Variants in IL20RA observed in about 807,000 individuals in gnomAD.
The protein encoded by IL20RA is interleukin 20 receptor subunit alpha.
A neutral mutation model predicts 36.5 loss-of-function variants in IL20RA; 29 were observed. The ratio of observed to expected loss-of-function variants is 0.79; its 90% confidence interval spans 0.59 to 1.08. The LOEUF is 1.08. IL20RA is among the 50% of genes least tolerant of loss of function. The pLI is 0.00. For synonymous variants in IL20RA, 279 were observed against 267.1 expected (o/e 1.04, Z -0.43); for missense variants, 652 against 668.4 (o/e 0.98, Z 0.27).
Position 137,044,725 on chromosome 6 carries a change from G to A in IL20RA, c.4C>T (p.Arg2Trp). ...CGCAGGGCCGGGCGGCCGGGAGCCC[G>A]CATGGGCGGCGGGGCTGGGTCACAT... is the stretch of plus-strand genomic sequence containing the variant. M[R>W]APGRPALRPL... Residue 2 changes from arginine to tryptophan, a missense_variant, in exon 1 of 7, where the codon CGG (arginine) becomes TGG (tryptophan). By Grantham distance (101) the Arg-to-Trp change is moderately radical. Transcript: ENST00000316649. 8.2e-7 allele frequency: 1 copy of A among 1,218,200 alleles called. No individual in the cohort carries two copies. Among genetic ancestry groups the A allele is most frequent in the East Asian group, 3.3e-5 (1 of 30,308 alleles). 75.5% of individuals were successfully genotyped at this position (1,218,200 alleles called of 1,614,324 possible).
In IL20RA at chr6:137,001,000, C is replaced by G. The variant is rs1775014552; in HGVS notation, c.*558G>C. 2 of 152,396 alleles carry G rather than the reference C, an allele frequency of 1.3e-5. No homozygotes were observed. Among genetic ancestry groups the G allele is most frequent in the South Asian group, 4.1e-4 (2 of 4,820 alleles). The allele number at this position is 152,396 out of a possible 1,614,324, so 9.4% of individuals were successfully genotyped here. ...TGTGTGATATCATGAAGGTCTGTGC[C>G]TGATGTATTCACTCAAAATATGAAT... On this transcript the variant is annotated 3_prime_UTR_variant, in exon 7 of 7. Transcript: ENST00000316649.
chr6:137,002,404 A>C (rs1000199418), intron 6 of IL20RA, 49 bp from the exon 7 acceptor site: 14 of 1,247,526 alleles, frequency 1.1e-5, no homozygotes, highest in Non-Finnish European at 1.2e-5. Context: ...TTAGAGAGAC[A>C]TTAAAAACAG....
At chr6:137,025,741 A>T (rs276494) in intron 1 of IL20RA, among the ~76,000 whole-genome samples, 125,003 of 152,274 alleles carry the variant, frequency 0.82, 56,637 homozygotes, top group East Asian at 1. Context: ...GTTTGTGACC[A>T]TTTCCTAATG....
In IL20RA at chr6:137,011,305, A is replaced by C; in HGVS notation, c.372T>G (p.Ala124=). ...AAAAAGGATAGAACCGTCCACTTTCAGCCCATTTGGAACACTTTGTTCCCC... is the reference window on the plus strand; with the variant it reads ...AAAAAGGATAGAACCGTCCACTTTCCGCCCATTTGGAACACTTTGTTCCCC... ...AIWGTKCSKW[A]ESGRFYPFLE... is the part of the protein sequence containing the mutation. The change falls in exon 3 of 7, where the codon GCT becomes GCG. Residue 124 remains alanine (A), a synonymous_variant. Transcript: ENST00000316649. 6.2e-7 allele frequency: 1 copy of C among 1,612,520 alleles called. No individual in the cohort carries two copies. The highest frequency in any genetic ancestry group is 1.1e-5 in the South Asian group (1 of 90,916).
intron 5 of IL20RA, among the ~76,000 whole-genome samples, chr6:137,006,385 T>C (rs1775282190): frequency 6.6e-6 from 1 of 152,170 alleles, no homozygotes; most frequent in Non-Finnish European, 1.5e-5. Flanking sequence ...CTGCCCTGCT[T>C]GTAGCCTATA....
Position 137,017,058 on chromosome 6 carries a change from A to C in IL20RA, c.134T>G (p.Phe45Cys). The stretch of plus-strand genomic sequence containing the variant: ...GACATTCTTCATGTTGATGGATAAG[A>C]AGGTGATGTTTGCAGGTTTAGGCAA... Reference protein sequence around the residue: ...GGLPKPANITFLSINMKNVLQ... With the variant: ...GGLPKPANITCLSINMKNVLQ... The change falls in exon 2 of 7, where the codon TTC becomes TGC. Residue 45 changes from phenylalanine to cysteine, a missense_variant. Transcript: ENST00000316649. 6.2e-7 allele frequency: 1 copy of C among 1,613,668 alleles called. No homozygotes were observed. The highest frequency in any genetic ancestry group is 8.5e-7 in the Non-Finnish European group (1 of 1,179,568).
Position 137,001,468 on chromosome 6 carries a change from C to T in IL20RA, c.*90G>A. On this transcript the variant is annotated 3_prime_UTR_variant, in exon 7 of 7. Transcript: ENST00000316649. ...ACAGACACTGACAAACTGGAAAAAA[C>T]TTCTTTCATCCCAGGTACTTTATGG... The T allele has an allele frequency of 8.0e-7, 1 of 1,246,810 alleles. No individual in the cohort carries two copies. Among genetic ancestry groups the T allele is most frequent in the Non-Finnish European group, 1.1e-6 (1 of 899,692 alleles). The allele number at this position is 1,246,810 out of a possible 1,614,324, so 77.2% of individuals were successfully genotyped here. A position where few individuals can be genotyped will look rare whatever the true frequency, so the allele number is the denominator to read the frequency against.
intron 2 of IL20RA, among the ~76,000 whole-genome samples, chr6:137,016,314 T>C (rs1775682774): frequency 1.3e-5 from 2 of 152,228 alleles, no homozygotes; most frequent in African/African-American, 2.4e-5. Context: ...GCTCTCAGAT[T>C]GTTAGGTGGG....
intron 1 of IL20RA, among the ~76,000 whole-genome samples, chr6:137,031,752 G>A (rs1383928518): frequency 1.3e-5 from 2 of 152,164 alleles, no homozygotes; most frequent in South Asian, 2.1e-4. Context: ...GAAAATGAAA[G>A]AGGATGGTTA....
At chr6:137,012,812 T>A (rs1404893951) in intron 2 of IL20RA, among the ~76,000 whole-genome samples, 1 of 152,172 alleles carries the variant, frequency 6.6e-6, no homozygotes, top group African/African-American at 2.4e-5. Flanking sequence ...TGCCAAAGCT[T>A]AAGGATATTT....
intron 1 of IL20RA, 83 bp from the exon 2 acceptor site, chr6:137,017,186 G>C: frequency 9.0e-7 from 1 of 1,107,932 alleles, no homozygotes; most frequent in East Asian, 2.5e-5. Context: ...CTCCAGAGAT[G>C]GCCCCCAATA....
At chr6:137,014,603 G>A in intron 2 of IL20RA, among the ~76,000 whole-genome samples, 1 of 152,044 alleles carries the variant, frequency 6.6e-6, no homozygotes, top group Admixed American at 6.6e-5. Context: ...AATGGTTTGT[G>A]AAAAATATTG....
intron 1 of IL20RA, among the ~76,000 whole-genome samples, chr6:137,020,236 G>A (rs932408335): frequency 1.1e-4 from 16 of 152,282 alleles, no homozygotes; most frequent in African/African-American, 3.6e-4. Context: ...GATCTTAGAA[G>A]TGGATCCTCC....
intron 2 of IL20RA, among the ~76,000 whole-genome samples, chr6:137,015,552 T>C (rs992898558): frequency 1.3e-5 from 2 of 152,238 alleles, no homozygotes; most frequent in African/African-American, 4.8e-5. Flanking sequence ...CTAGTTCCCT[T>C]GGGACTATTA....
chr6:137,033,575 A>G (rs939830673), intron 1 of IL20RA, among the ~76,000 whole-genome samples: 1 of 152,068 alleles, frequency 6.6e-6, no homozygotes, highest in African/African-American at 2.4e-5. Flanking sequence ...CCTCCCCACC[A>G]TTGCTCTCTC....
intron 3 of IL20RA, among the ~76,000 whole-genome samples, chr6:137,010,728 G>A (rs1267377775): frequency 6.6e-6 from 1 of 152,196 alleles, no homozygotes; most frequent in African/African-American, 2.4e-5. Context: ...CATACAAGAA[G>A]AAGCATAGTG....
intron 1 of IL20RA, among the ~76,000 whole-genome samples, chr6:137,036,293 A>G (rs1212307648): frequency 2.0e-5 from 3 of 152,210 alleles, no homozygotes; most frequent in African/African-American, 7.2e-5. Context: ...TTGGTATTCT[A>G]TAAGTCTTTG....
intron 1 of IL20RA, among the ~76,000 whole-genome samples, chr6:137,036,020 C>T (rs978950205): frequency 5.9e-5 from 9 of 152,158 alleles, no homozygotes; most frequent in African/African-American, 1.4e-4. Context: ...AGAGTGAGCT[C>T]CTCTGCTGGA....
chr6:137,028,245 C>T (rs1776160213), intron 1 of IL20RA, among the ~76,000 whole-genome samples: 1 of 151,994 alleles, frequency 6.6e-6, no homozygotes, highest in Non-Finnish European at 1.5e-5. Context: ...TGGTGAAACC[C>T]CATCTCTATT....
Sources: allele counts gnomAD v4.1 joint callset (sites outside exome capture counted in the v4.1 genomes callset), GRCh38; gene constraint gnomAD v4.1.1; transcripts MANE v1.5; gene names NCBI Gene and HGNC (gene_info 2026-07-23, HGNC 2026-07-21).